The following FGF12 variants were observed in gnomAD, a reference collection of about 807,000 sequenced individuals.
The protein encoded by FGF12 is fibroblast growth factor 12.
Under a neutral mutation model 23.6 loss-of-function variants are expected in FGF12, and 14 were observed. That is an observed-to-expected ratio of 0.59 (90% CI 0.39 to 0.93). The LOEUF (loss-of-function observed/expected upper bound fraction) is 0.93. Ranked by LOEUF, FGF12 falls within the 40% of genes least tolerant of loss-of-function variation. The pLI, the probability that FGF12 is intolerant of heterozygous loss-of-function variation, is 0.00. For missense variants in FGF12, 175 were observed against 217.8 expected (o/e 0.80, Z 1.24); for synonymous variants, 62 against 77.3 (o/e 0.80, Z 1.04).
intron 4 of FGF12, among the ~76,000 whole-genome samples, chr3:192,257,141 T>C (rs967068146): frequency 1.3e-5 from 2 of 152,192 alleles, no homozygotes; most frequent in Non-Finnish European, 2.9e-5. Flanking sequence ...AGTACCATTA[T>C]TGCTACATGC....
At chr3:192,220,528 C>G (rs921259128) in intron 4 of FGF12, among the ~76,000 whole-genome samples, 1 of 152,128 alleles carries the variant, frequency 6.6e-6, no homozygotes, top group Non-Finnish European at 1.5e-5. Flanking sequence ...CTTGATCCAT[C>G]AAATCTTAAG....
At chr3:192,469,997 G>C (rs1723125174) in intron 2 of FGF12, among the ~76,000 whole-genome samples, 1 of 152,160 alleles carries the variant, frequency 6.6e-6, no homozygotes, top group Non-Finnish European at 1.5e-5. Context: ...TGGATATAAA[G>C]GGAAAGAGTA....
At position 192,326,143 on chromosome 3, in the gene FGF12, T is replaced by C. The variant is rs572328313; in HGVS notation, c.228+9218A>G. 2.0e-5 allele frequency among the ~76,000 whole-genome samples: 3 copies of C among 152,314 alleles called. No homozygotes were observed. In the South Asian group the frequency reaches 6.2e-4, roughly 32 times the overall value. On this transcript the variant is annotated intron_variant, in intron 4 of 5. Transcript: ENST00000445105. ...GAGAGATATTAATCTATATTAGATA[T>C]GATCCCTAACCTCAAGGAATTTGCA...
intron 2 of FGF12, among the ~76,000 whole-genome samples, chr3:192,616,094 A>AAT (rs1229038339): frequency 2.0e-5 from 3 of 151,944 alleles, no homozygotes; most frequent in Non-Finnish European, 4.4e-5. Flanking sequence ...ACCAACAACT[A>AAT]ATATATTTTA....
Position 192,143,753 on chromosome 3 carries a change from G to T in FGF12, c.*256C>A. 1 of 380,058 alleles carries T rather than the reference G, an allele frequency of 2.6e-6. No individual in the cohort carries two copies. Among genetic ancestry groups the T allele is most frequent in the Non-Finnish European group, 4.7e-6 (1 of 212,656 alleles). The allele number at this position is 380,058 out of a possible 1,614,324, so 23.5% of individuals were successfully genotyped here. ...TTTAATTTAATATTTATGGAGTTCTGATTTATTTTTTCCTTTGCTTTTAAG... is the reference window on the plus strand; with the variant it reads ...TTTAATTTAATATTTATGGAGTTCTTATTTATTTTTTCCTTTGCTTTTAAG... On this transcript the variant is annotated 3_prime_UTR_variant, in exon 6 of 6. Coordinates refer to ENST00000445105, the MANE Select transcript of FGF12 (RefSeq NM_004113.6).
At chr3:192,227,106 T>C (rs935434707) in intron 4 of FGF12, among the ~76,000 whole-genome samples, 12 of 152,058 alleles carry the variant, frequency 7.9e-5, no homozygotes, top group Non-Finnish European at 1.2e-4. Context: ...CAAATAAATT[T>C]CTGTTGTTTA....
chr3:192,361,031 GAGA>G (rs1718698934), intron 2 of FGF12, among the ~76,000 whole-genome samples: 1 of 151,970 alleles, frequency 6.6e-6, no homozygotes, highest in African/African-American at 2.4e-5. Flanking sequence ...GAATAGTTTG[GAGA>G]AGAACCACAG....
intron 2 of FGF12, among the ~76,000 whole-genome samples, chr3:192,606,190 CA>C (rs910633189): frequency 1.9e-4 from 29 of 151,918 alleles, no homozygotes; most frequent in African/African-American, 6.5e-4. Context: ...ACTATGCAGC[CA>C]AAAAAAGAAC....
At chr3:192,584,810 T>G (rs866172926) in intron 2 of FGF12, among the ~76,000 whole-genome samples, 45 of 152,090 alleles carry the variant, frequency 3.0e-4, no homozygotes, top group African/African-American at 1.1e-3. Flanking sequence ...CAAGCTTCTC[T>G]TGGGCTTTTA....
intron 4 of FGF12, among the ~76,000 whole-genome samples, chr3:192,301,478 C>G (rs1715346619): frequency 6.6e-6 from 1 of 152,192 alleles, no homozygotes; most frequent in African/African-American, 2.4e-5. Context: ...TATAGAAACA[C>G]CACAAATGGT....
intron 4 of FGF12, among the ~76,000 whole-genome samples, chr3:192,208,252 A>C (rs1717751646): frequency 6.6e-6 from 1 of 152,260 alleles, no homozygotes; most frequent in Non-Finnish European, 1.5e-5. Context: ...AGAAACTAGA[A>C]TAAGAAGAAT....
At chr3:192,390,356 A>T (rs1720239170) in intron 2 of FGF12, among the ~76,000 whole-genome samples, 1 of 152,214 alleles carries the variant, frequency 6.6e-6, no homozygotes, top group Non-Finnish European at 1.5e-5. Flanking sequence ...AAGAGATAAG[A>T]TCTCACCAAA....
chr3:192,353,751 A>G (rs1158858619), intron 3 of FGF12, among the ~76,000 whole-genome samples: 1 of 152,220 alleles, frequency 6.6e-6, no homozygotes, highest in Non-Finnish European at 1.5e-5. Context: ...TGGAGGAGTT[A>G]TCCCCTTATG....
chr3:192,170,449 G>C lies in FGF12; in HGVS notation c.427+9C>G. On this transcript the variant is annotated intron_variant, in intron 5 of 5. Transcript: ENST00000445105. ...AGGGTCCAACAAAGACAGTCAGTTG[G>C]TTTCATACCTTCAATAGGTTTCGGT... The C allele has an allele frequency of 6.2e-7, 1 of 1,612,468 alleles. No individual in the cohort carries two copies. Among genetic ancestry groups the C allele is most frequent in the Non-Finnish European group, 8.5e-7 (1 of 1,178,736 alleles).
intron 4 of FGF12, among the ~76,000 whole-genome samples, chr3:192,278,859 C>G (rs1045310759): frequency 2.0e-5 from 3 of 152,124 alleles, no homozygotes; most frequent in African/African-American, 7.2e-5. Context: ...TTCTCTGGTT[C>G]CCTTCCTGCT....
intron 4 of FGF12, among the ~76,000 whole-genome samples, chr3:192,318,528 C>T (rs1326674067): frequency 2.0e-5 from 3 of 151,850 alleles, no homozygotes; most frequent in Admixed American, 6.6e-5. Flanking sequence ...TGAAAATTCA[C>T]GATCAGAGAA....
intron 4 of FGF12, among the ~76,000 whole-genome samples, chr3:192,287,392 C>G (rs1367293816): frequency 2.0e-5 from 3 of 152,046 alleles, no homozygotes; most frequent in South Asian, 2.1e-4. Context: ...TAACACAACT[C>G]TATGCATATA....
chr3:192,426,159 T>C (rs1289118753), intron 2 of FGF12, among the ~76,000 whole-genome samples: 1 of 152,210 alleles, frequency 6.6e-6, no homozygotes, highest in East Asian at 1.9e-4. Flanking sequence ...TTGGTGTTGT[T>C]ATTACCATTA....
At chr3:192,647,739 A>G (rs1162124773) in intron 2 of FGF12, among the ~76,000 whole-genome samples, 1 of 147,264 alleles carries the variant, frequency 6.8e-6, no homozygotes, top group Non-Finnish European at 1.5e-5. Flanking sequence ...ATATACATAC[A>G]TGTATATATA....
Sources: allele counts gnomAD v4.1 joint callset (sites outside exome capture counted in the v4.1 genomes callset), GRCh38; gene constraint gnomAD v4.1.1; transcripts MANE v1.5; gene names NCBI Gene and HGNC (gene_info 2026-07-23, HGNC 2026-07-21).